Variants in PSD3 observed in about 807,000 individuals in gnomAD.
PSD3 encodes PH and SEC7 domain-containing protein 3.
PSD3 carries 49 observed loss-of-function variants against 105.5 expected under a neutral mutation model. That is an observed-to-expected ratio of 0.46 (90% confidence interval 0.37 to 0.59). The LOEUF (loss-of-function observed/expected upper bound fraction) is 0.59. PSD3 is among the 20% of genes least tolerant of loss of function. The pLI is 0.00. For synonymous variants in PSD3, 557 were observed against 457.8 expected (o/e 1.22, Z -2.77); for missense variants, 1,561 against 1,263.8 (o/e 1.24, Z -3.57).
At chr8:18,970,860 T>G (rs949776693) in intron 1 of PSD3, among the ~76,000 whole-genome samples, 1 of 151,392 alleles carries the variant, frequency 6.6e-6, no homozygotes, top group African/African-American at 2.4e-5. Flanking sequence ...GAGGCTGTAG[T>G]CCCAACTACT....
chr8:19,054,502 G>A (rs1393383587), intron 1 of PSD3, among the ~76,000 whole-genome samples: 1 of 152,088 alleles, frequency 6.6e-6, no homozygotes, highest in Non-Finnish European at 1.5e-5. Flanking sequence ...TATTCCCAGA[G>A]CTCTATAATC....
intron 4 of PSD3, among the ~76,000 whole-genome samples, chr8:18,821,718 C>CACACACACACACACACACACA (rs1554513426): frequency 4.7e-5 from 3 of 64,396 alleles, no homozygotes; most frequent in South Asian, 3.8e-4. Context: ...CACACACACA[C>CACACACACACACACACACACA]CCCAATAACA....
At chr8:18,688,621 T>C (rs1383991064) in intron 9 of PSD3, among the ~76,000 whole-genome samples, 1 of 152,202 alleles carries the variant, frequency 6.6e-6, no homozygotes, top group Non-Finnish European at 1.5e-5. Context: ...TGAAACAACA[T>C]AGTTTTCCAA....
At position 18,528,685 on chromosome 8, in the gene PSD3, T is replaced by G. The variant is rs918842183; in HGVS notation, c.*7058A>C. The G allele has an allele frequency of 2.6e-5, 4 of 152,636 alleles. No homozygotes were observed. Among genetic ancestry groups the G allele is most frequent in the African/African-American group, 9.6e-5 (4 of 41,462 alleles). The allele number at this position is 152,636 out of a possible 1,614,324, so 9.5% of individuals were successfully genotyped here. ...AGCAGTGAGCCTCAGACCTGCAGTG[T>G]GGTCCTTAATCGAGCCTTGGGCTGG... On this transcript the variant is annotated 3_prime_UTR_variant, in exon 16 of 16. Coordinates refer to ENST00000327040, the MANE Select transcript of PSD3 (RefSeq NM_015310.4).
intron 8 of PSD3, among the ~76,000 whole-genome samples, chr8:18,790,987 G>T (rs1315221176): frequency 6.6e-6 from 1 of 152,122 alleles, no homozygotes; most frequent in Non-Finnish European, 1.5e-5. Flanking sequence ...GCCAACAAAA[G>T]AATAACATAC....
At chr8:18,741,895 C>A (rs1364283113) in intron 9 of PSD3, among the ~76,000 whole-genome samples, 1 of 145,010 alleles carries the variant, frequency 6.9e-6, no homozygotes, top group African/African-American at 2.6e-5. Flanking sequence ...GGAGCCCTGA[C>A]AAAAAAAAGT....
chr8:19,031,253 G>T (rs189992986), intron 1 of PSD3, among the ~76,000 whole-genome samples: 8 of 152,110 alleles, frequency 5.3e-5, no homozygotes, highest in Non-Finnish European at 8.8e-5. Flanking sequence ...AAACTTAAGG[G>T]TTTCTATTAA....
intron 1 of PSD3, among the ~76,000 whole-genome samples, chr8:19,027,905 GT>G (rs1214859152): frequency 6.6e-6 from 1 of 152,116 alleles, no homozygotes; most frequent in Non-Finnish European, 1.5e-5. Context: ...GAACATCTAT[GT>G]TTAATTTTTT....
chr8:18,944,003 A>G (rs11784244), intron 1 of PSD3, among the ~76,000 whole-genome samples: 98,005 of 151,974 alleles, frequency 0.64, 31,893 homozygotes, highest in Non-Finnish European at 0.67. Flanking sequence ...AGATCCTCCT[A>G]CAGTGAAGCT....
intron 9 of PSD3, among the ~76,000 whole-genome samples, chr8:18,709,329 G>C (rs1231353404): frequency 6.6e-6 from 1 of 152,220 alleles, no homozygotes; most frequent in African/African-American, 2.4e-5. Context: ...CAGGGATTTA[G>C]GATAAAACTC....
chr8:18,816,473 C>T (rs866381711), intron 4 of PSD3, among the ~76,000 whole-genome samples: 4 of 152,354 alleles, frequency 2.6e-5, no homozygotes, highest in African/African-American at 9.6e-5. Flanking sequence ...ACAGGTTATA[C>T]TGCACGCATA....
intron 15 of PSD3, among the ~76,000 whole-genome samples, chr8:18,549,016 G>A (rs1232547492): frequency 6.6e-6 from 1 of 152,126 alleles, no homozygotes; most frequent in Non-Finnish European, 1.5e-5. Flanking sequence ...GTCTCAGGGA[G>A]CCAGACACTC....
chr8:19,057,798 G>T (rs992317101), intron 1 of PSD3, among the ~76,000 whole-genome samples: 8 of 152,164 alleles, frequency 5.3e-5, no homozygotes, highest in African/African-American at 1.4e-4. Flanking sequence ...TCAAATACTG[G>T]CAAGGATGTG....
rs144597885 is a variant in PSD3 at position 18,573,711 on chromosome 8, G to C, written c.2640-1039C>G. Among the ~76,000 whole-genome samples, 590 of 152,240 alleles carry C rather than the reference G, an allele frequency of 3.9e-3. 5 individuals are homozygous for C. The highest frequency in any genetic ancestry group is 0.014 in the African/African-American group (564 of 41,528). ...ACACAAAAGACCACATCATATATTAGTCTGTTTATATGAAGTGTCCAGAAA... is the reference window on the plus strand; with the variant it reads ...ACACAAAAGACCACATCATATATTACTCTGTTTATATGAAGTGTCCAGAAA... On this transcript the variant is annotated intron_variant, in intron 13 of 15. Coordinates refer to ENST00000327040, the MANE Select transcript of PSD3 (RefSeq NM_015310.4).
At chr8:18,761,060 C>T (rs1806488095) in intron 9 of PSD3, among the ~76,000 whole-genome samples, 1 of 152,186 alleles carries the variant, frequency 6.6e-6, no homozygotes, top group Non-Finnish European at 1.5e-5. Flanking sequence ...AGAGCCAATG[C>T]ACCCTAGTAC....
intron 12 of PSD3, among the ~76,000 whole-genome samples, chr8:18,585,905 T>C (rs1158195831): frequency 6.6e-6 from 1 of 152,154 alleles, no homozygotes; most frequent in Non-Finnish European, 1.5e-5. Context: ...GCATGTCTAC[T>C]TACTGGAGTA....
At chr8:19,035,989 A>G (rs1827931351) in intron 1 of PSD3, among the ~76,000 whole-genome samples, 1 of 152,102 alleles carries the variant, frequency 6.6e-6, no homozygotes, top group South Asian at 2.1e-4. Flanking sequence ...TCCTGGACTC[A>G]AGTGATCTGC....
At chr8:18,906,613 T>C (rs560455083) in intron 2 of PSD3, among the ~76,000 whole-genome samples, 2 of 152,270 alleles carry the variant, frequency 1.3e-5, no homozygotes, top group South Asian at 4.1e-4. Context: ...ATTGCTAAAC[T>C]TCATACCTTC....
At chr8:19,064,336 T>C (rs989388655) in intron 1 of PSD3, among the ~76,000 whole-genome samples, 2 of 152,146 alleles carry the variant, frequency 1.3e-5, no homozygotes, top group African/African-American at 2.4e-5. Context: ...TTTTGATTCG[T>C]TTCTTAAAAA....
Sources: gnomAD v4.1 joint callset for allele counts (sites outside exome capture counted in the v4.1 genomes callset) on GRCh38, gnomAD v4.1.1 for gene constraint, MANE v1.5 for transcripts, NCBI Gene and HGNC (gene_info 2026-07-23, HGNC 2026-07-21) for gene names.